LINGO2: variants seen among roughly 807,000 people sequenced by gnomAD.
LINGO2 encodes the protein leucine rich repeat and Ig domain containing 2, also known as leucine-rich repeat and immunoglobulin-like domain-containing nogo receptor-interacting protein 2.
LINGO2 carries 14 observed loss-of-function variants against 30.6 expected under a neutral mutation model. The observed-to-expected ratio is 0.46, with a 90% CI of 0.30 to 0.72. The LOEUF (loss-of-function observed/expected upper bound fraction) is 0.72, where lower values mean the gene tolerates loss of function less well. Among genes scored for constraint, LINGO2 ranks in the 30% least tolerant of loss-of-function variants. The probability of loss-of-function intolerance (pLI) is 0.07; values close to 1 mark genes in which losing one functional copy is unlikely to be tolerated. For synonymous variants in LINGO2, 317 were observed against 288.5 expected (o/e 1.10, Z -1.00); for missense variants, 729 against 751.7 (o/e 0.97, Z 0.35).
At chr9:28,139,235 T>G (rs1827607583) in intron 4 of LINGO2, among the ~76,000 whole-genome samples, 1 of 148,182 alleles carries the variant, frequency 6.7e-6, no homozygotes, top group African/African-American at 2.5e-5. Flanking sequence ...GACATAACCC[T>G]GGCCATTGGC....
the LINGO2 span, among the ~76,000 whole-genome samples, chr9:28,979,459 T>C: frequency 6.6e-6 from 1 of 151,664 alleles, no homozygotes; most frequent in African/African-American, 2.4e-5. Flanking sequence ...TGTCCAAATA[T>C]ATCACATATA....
chr9:27,985,576 A>T (rs1821085797), intron 5 of LINGO2, among the ~76,000 whole-genome samples: 1 of 134,252 alleles, frequency 7.4e-6, no homozygotes, highest in African/African-American at 3.3e-5. Context: ...TTTTGACATT[A>T]ATTAGCAAAA....
At chr9:28,028,458 G>A (rs1031747261) in intron 4 of LINGO2, among the ~76,000 whole-genome samples, 1 of 152,052 alleles carries the variant, frequency 6.6e-6, no homozygotes, top group African/African-American at 2.4e-5. Context: ...TTCTATAGAT[G>A]CTATACTTGC....
chr9:28,871,278 A>T, the LINGO2 span, among the ~76,000 whole-genome samples: 204 of 151,790 alleles, frequency 1.3e-3, no homozygotes, highest in Non-Finnish European at 2.2e-3. Flanking sequence ...TGGCCATAAT[A>T]ATCTGCTAAT....
chr9:28,191,719 AT>A (rs1224072451), intron 4 of LINGO2, among the ~76,000 whole-genome samples: 3 of 152,148 alleles, frequency 2.0e-5, no homozygotes, highest in Admixed American at 6.5e-5. Flanking sequence ...TGATGTCTCT[AT>A]CCACATCTTC....
chr9:28,430,109 C>CACGCGCGTGT (rs1554720107), intron 2 of LINGO2, among the ~76,000 whole-genome samples: 1 of 136,100 alleles, frequency 7.3e-6, no homozygotes, highest in Admixed American at 7.2e-5. Context: ...CGCGCGCGCG[C>CACGCGCGTGT]GTGTGTGTGT....
chr9:29,081,108 G>A, the LINGO2 span, among the ~76,000 whole-genome samples: 1 of 152,142 alleles, frequency 6.6e-6, no homozygotes, highest in Middle Eastern at 3.4e-3. Context: ...CCAAAGCCTG[G>A]CAGAGACACA....
chr9:28,351,314 G>C (rs1819874987), intron 3 of LINGO2, among the ~76,000 whole-genome samples: 2 of 140,586 alleles, frequency 1.4e-5, no homozygotes, highest in Non-Finnish European at 1.6e-5. Flanking sequence ...ATGATAAAGG[G>C]GATATCACCA....
chr9:28,345,910 T>C (rs1255798396), intron 3 of LINGO2, among the ~76,000 whole-genome samples: 5 of 152,196 alleles, frequency 3.3e-5, no homozygotes, highest in African/African-American at 9.6e-5. Context: ...TAATGTATCA[T>C]GACAGCGATC....
intron 4 of LINGO2, among the ~76,000 whole-genome samples, chr9:28,112,013 T>C (rs989847044): frequency 4.5e-5 from 6 of 132,900 alleles, no homozygotes; most frequent in South Asian, 2.8e-4. Context: ...CACCCACTAA[T>C]GTGTCATCTA....
chr9:28,277,939 A>T (rs1408406145), intron 4 of LINGO2, among the ~76,000 whole-genome samples: 1 of 152,198 alleles, frequency 6.6e-6, no homozygotes, highest in Non-Finnish European at 1.5e-5. Flanking sequence ...TCTTAACCAA[A>T]CAGTTAGCCA....
chr9:28,876,067 T>C, the LINGO2 span, among the ~76,000 whole-genome samples: 1 of 152,092 alleles, frequency 6.6e-6, no homozygotes, highest in African/African-American at 2.4e-5. Flanking sequence ...TTTTAAACCA[T>C]GTTAACATAA....
At chr9:28,056,089 T>A (rs564898532) in intron 4 of LINGO2, among the ~76,000 whole-genome samples, 3 of 152,278 alleles carry the variant, frequency 2.0e-5, no homozygotes, top group East Asian at 3.9e-4. Context: ...GCTCCCCGCT[T>A]TCAGTGAGCA....
Position 28,622,259 on chromosome 9 carries a change from T to C in LINGO2, c.-365+47941A>G, listed in dbSNP as rs139588702. Among the ~76,000 whole-genome samples the C allele has an allele frequency of 2.4e-3, 368 of 152,136 alleles. 3 individuals carry two copies. Among genetic ancestry groups the C allele is most frequent in the Middle Eastern group, 0.017 (5 of 294 alleles). ...CTAGGTCTTATTCATCCTTTCAAAC[T>C]AATTTTTGAACCTATTAACCATCCC... On this transcript the variant is annotated intron_variant, in intron 1 of 5. Transcript: ENST00000379992.
chr9:28,014,078 T>G (rs1269473448), intron 4 of LINGO2, among the ~76,000 whole-genome samples: 1 of 152,180 alleles, frequency 6.6e-6, no homozygotes, highest in Non-Finnish European at 1.5e-5. Context: ...AGCCTTTTTT[T>G]GCCACCACTG....
chr9:28,930,060 A>G, the LINGO2 span, among the ~76,000 whole-genome samples: 1 of 152,156 alleles, frequency 6.6e-6, no homozygotes, highest in African/African-American at 2.4e-5. The surrounding 1 kb of genome is among the most constrained non-coding windows in gnomAD (Gnocchi z 4.2). Flanking sequence ...ATCAACTTCG[A>G]GGTCATCTAT....
the LINGO2 span, among the ~76,000 whole-genome samples, chr9:29,011,310 T>A: frequency 3.3e-5 from 5 of 152,198 alleles, no homozygotes; most frequent in Non-Finnish European, 7.3e-5. Context: ...CCTTCTTCAG[T>A]AGTCTCAGTC....
At chr9:29,148,940 G>A in the LINGO2 span, among the ~76,000 whole-genome samples, 1 of 152,084 alleles carries the variant, frequency 6.6e-6, no homozygotes, top group Non-Finnish European at 1.5e-5. Flanking sequence ...TACCTGAATA[G>A]GAAAAAGTGT....
chr9:28,343,071 A>G (rs187069056), intron 3 of LINGO2, among the ~76,000 whole-genome samples: 210 of 152,286 alleles, frequency 1.4e-3, no homozygotes, highest in African/African-American at 4.3e-3. Flanking sequence ...GTCATTTTAT[A>G]AAGCATATGA....
Sources: allele counts gnomAD v4.1 joint callset (sites outside exome capture counted in the v4.1 genomes callset), GRCh38; gene constraint gnomAD v4.1.1; non-coding constraint Gnocchi (gnomAD v3.1); transcripts MANE v1.5; gene names NCBI Gene and HGNC (gene_info 2026-07-23, HGNC 2026-07-21).